The following IGF2R variants were observed in gnomAD, a reference collection of about 807,000 sequenced individuals.
IGF2R encodes the protein insulin like growth factor 2 receptor, also known as cation-independent mannose-6-phosphate receptor.
A neutral mutation model predicts 270.6 loss-of-function variants in IGF2R; 91 were observed. The ratio of observed to expected loss-of-function variants is 0.34; its 90% confidence interval spans 0.28 to 0.40. IGF2R has a LOEUF of 0.40. Ranked by LOEUF, IGF2R falls within the 10% of genes least tolerant of loss-of-function variation. The pLI, the probability that IGF2R is intolerant of heterozygous loss-of-function variation, is 1.00. For missense variants in IGF2R, 2,805 were observed against 3,188.3 expected (o/e 0.88, Z 2.90); for synonymous variants, 1,316 against 1,258.9 (o/e 1.05, Z -0.96).
Position 160,040,575 on chromosome 6 carries a change from G to C in IGF2R, c.1331G>C (p.Gly444Ala), listed in dbSNP as rs995837646. 3.7e-6 allele frequency: 6 copies of C among 1,613,968 alleles called. No individual in the cohort carries two copies. Among genetic ancestry groups the C allele is most frequent in the Non-Finnish European group, 5.1e-6 (6 of 1,179,866 alleles). Residue 444 changes from glycine (G) to alanine (A), a missense_variant, in exon 11 of 48, where the codon GGA becomes GCA. Physicochemically the swap from Gly to Ala is moderately conservative, Grantham distance 60. Coordinates refer to ENST00000356956, the MANE Select transcript of IGF2R (RefSeq NM_000876.4). ...AATTGTGCAGGTAACGATGGGAAAG[G>C]AACTCCTGTATTCACAGGGGAGGTT... ...CNKTAGNDGK[G>A]TPVFTGEVDC... is the part of the protein sequence containing the mutation.
Position 160,009,146 on chromosome 6 carries a change from C to G in IGF2R, c.414+12C>G. On this transcript the variant is annotated intron_variant, in intron 3 of 47. Transcript: ENST00000356956. The stretch of plus-strand genomic sequence containing the variant: ...GTGGGAAAACCCTGGTGAGTCCACA[C>G]AGGCACTTGATGTATTTCTTTAAAA... The G allele has an allele frequency of 6.2e-7, 1 of 1,608,018 alleles. No individual in the cohort carries two copies. The highest frequency in any genetic ancestry group is 1.1e-5 in the South Asian group (1 of 89,990).
chr6:160,034,364 A>G (rs969550587), intron 9 of IGF2R, 55 bp from the exon 10 acceptor site: 5 of 1,146,038 alleles, frequency 4.4e-6, no homozygotes, highest in Non-Finnish European at 6.6e-6. Context: ...AAAAGATTCA[A>G]GTTTTTTTCT....
In IGF2R at chr6:160,047,405, C is replaced by T. The variant is rs144070045; in HGVS notation, c.2229+69C>T. On this transcript the variant is annotated intron_variant, in intron 16 of 47. Transcript: ENST00000356956. ...GCCTGTGGTGGGCCTTTCATTTAAG[C>T]AGAGCTTGTATCAGTCTGGGTTTCC... 9.4e-5 allele frequency: 125 copies of T among 1,331,110 alleles called. No individual in the cohort carries two copies. The African/African-American group carries it at 1.6e-3, about 17-fold the overall frequency. The allele number at this position is 1,331,110 out of a possible 1,614,324, so 82.5% of individuals were successfully genotyped here.
intron 13 of IGF2R, 136 bp from the exon 14 acceptor site, chr6:160,045,609 T>G: frequency 1.0e-6 from 1 of 956,710 alleles, no homozygotes; most frequent in Non-Finnish European, 1.7e-6. Context: ...TTTGTAGGGC[T>G]GTTTTTTGAC....
intron 32 of IGF2R, 107 bp downstream of exon 32, chr6:160,072,143 C>G: frequency 1.4e-6 from 2 of 1,423,696 alleles, no homozygotes; most frequent in African/African-American, 2.8e-5. Context: ...GGGCAGCAGG[C>G]GCCCTGGGCA....
chr6:160,089,613 G>A (rs953406396), intron 43 of IGF2R, among the ~76,000 whole-genome samples: 5 of 152,242 alleles, frequency 3.3e-5, no homozygotes, highest in African/African-American at 1.2e-4. Flanking sequence ...GCTGCTCTTG[G>A]GGGTGGTGGC....
chr6:160,022,301 A>G (rs542374651), intron 4 of IGF2R, among the ~76,000 whole-genome samples: 2 of 152,322 alleles, frequency 1.3e-5, no homozygotes, highest in East Asian at 3.9e-4. Context: ...GGTACAATGT[A>G]CAGTATTCCA....
chr6:160,051,823 G>A (rs1778203366), intron 19 of IGF2R, among the ~76,000 whole-genome samples: 1 of 152,092 alleles, frequency 6.6e-6, no homozygotes, highest in Non-Finnish European at 1.5e-5. Context: ...TTAGCCAAGT[G>A]TGGTGGCTCA....
rs548425336 is a variant in IGF2R, at chr6:160,013,667, A to C, written c.513+2882A>C. 2.6e-5 allele frequency among the ~76,000 whole-genome samples: 4 copies of C among 152,282 alleles called. No individual in the cohort carries two copies. The East Asian group carries it at 5.8e-4, about 22-fold the overall frequency. ...GAGCTAAGCAGTAGGAATTTTGTTA[A>C]ATTTTGGAATGCTTTCAGGGAGCCT... On this transcript the variant is annotated intron_variant, in intron 4 of 47. Transcript: ENST00000356956.
chr6:160,015,412 T>C (rs981793859), intron 4 of IGF2R, among the ~76,000 whole-genome samples: 15 of 152,230 alleles, frequency 9.9e-5, no homozygotes, highest in Middle Eastern at 3.4e-3. Flanking sequence ...TTTTTTACTC[T>C]GGGGGGGATT....
intron 10 of IGF2R, among the ~76,000 whole-genome samples, chr6:160,039,855 T>C (rs1777907452): frequency 6.6e-6 from 1 of 152,106 alleles, no homozygotes; most frequent in East Asian, 1.9e-4. Flanking sequence ...TTTTCAGACT[T>C]AGGCCTGAAC....
chr6:160,105,089 G>A lies in IGF2R; in HGVS notation c.*5G>A, dbSNP rs879840002. Reference sequence around the variant, plus strand: ...GAGGACCTCTTACACATCTGACTCCGCAGTGCCTGCAGGGGAGCACGGAGC... The same window carrying A: ...GAGGACCTCTTACACATCTGACTCCACAGTGCCTGCAGGGGAGCACGGAGC... On this transcript the variant is annotated 3_prime_UTR_variant, in exon 48 of 48. Transcript: ENST00000356956. 25 of 1,555,008 alleles carry A rather than the reference G, an allele frequency of 1.6e-5. No individual in the cohort carries two copies. Among genetic ancestry groups the A allele is most frequent in the East Asian group, 6.9e-5 (3 of 43,330 alleles).
chr6:160,018,420 A>G (rs1325756472), intron 4 of IGF2R, among the ~76,000 whole-genome samples: 1 of 152,176 alleles, frequency 6.6e-6, no homozygotes, highest in African/African-American at 2.4e-5. Context: ...TCAATCACTG[A>G]GAAAGAAAAT....
At chr6:160,013,499 C>G (rs1032033035) in intron 4 of IGF2R, among the ~76,000 whole-genome samples, 2 of 149,738 alleles carry the variant, frequency 1.3e-5, no homozygotes, top group Non-Finnish European at 3.0e-5. Flanking sequence ...GTGTTTTTCT[C>G]AAAACAATGA....
intron 44 of IGF2R, chr6:160,095,694 T>C (rs1779341051): frequency 2.0e-5 from 3 of 152,376 alleles, no homozygotes; most frequent in African/African-American, 7.2e-5. Flanking sequence ...GCAACTTTTC[T>C]GCCAAAGTCA....
At chr6:160,043,427 C>T in intron 12 of IGF2R, 139 bp downstream of exon 12, 2 of 1,011,484 alleles carry the variant, frequency 2.0e-6, no homozygotes, top group Non-Finnish European at 1.4e-6. Context: ...ATTTTTCATT[C>T]ATAACTCAAA....
At chr6:159,980,519 G>A (rs1783783511) in intron 1 of IGF2R, among the ~76,000 whole-genome samples, 1 of 152,228 alleles carries the variant, frequency 6.6e-6, no homozygotes, top group South Asian at 2.1e-4. Flanking sequence ...CCAGCTGGGT[G>A]TTAGGCTTTG....
chr6:160,021,770 T>C (rs898267165), intron 4 of IGF2R, among the ~76,000 whole-genome samples: 3 of 152,108 alleles, frequency 2.0e-5, no homozygotes, highest in African/African-American at 7.2e-5. Context: ...AGAACACTTA[T>C]ACACCATTGG....
rs1777654047 is a variant in IGF2R at position 160,029,778 on chromosome 6, G to A, written c.882+123G>A. ...CAGGAAGCTGGGAGCCATGACAGAG[G>A]CACTGGTGGGTTCTCAGGAGAAGAC... On this transcript the variant is annotated intron_variant, in intron 7 of 47. Coordinates refer to ENST00000356956, the MANE Select transcript of IGF2R (RefSeq NM_000876.4). The A allele has an allele frequency of 6.1e-6, 4 of 656,824 alleles. No homozygotes were observed. The Admixed American group carries it at 6.9e-5, about 11-fold the overall frequency. 40.7% of individuals were successfully genotyped at this position (656,824 alleles called of 1,614,324 possible).
Sources: gnomAD v4.1 joint callset for allele counts (sites outside exome capture counted in the v4.1 genomes callset) on GRCh38, gnomAD v4.1.1 for gene constraint, MANE v1.5 for transcripts, NCBI Gene and HGNC (gene_info 2026-07-23, HGNC 2026-07-21) for gene names.